CAPG: variants seen among roughly 807,000 people sequenced by gnomAD.
CAPG encodes macrophage-capping protein.
In CAPG, 32 loss-of-function variants were observed where a neutral mutation model predicts 44.6. The ratio of observed to expected loss-of-function variants is 0.72; its 90% CI spans 0.54 to 0.96. The LOEUF is 0.96. Among genes scored for constraint, CAPG ranks in the 50% least tolerant of loss-of-function variants. The probability of loss-of-function intolerance (pLI) is 0.00; values close to 1 mark genes in which losing one functional copy is unlikely to be tolerated. For synonymous variants in CAPG, 175 were observed against 179.6 expected (o/e 0.97, Z 0.20); for missense variants, 412 against 438.3 (o/e 0.94, Z 0.54).
At chr2:85,394,675 G>A, downstream of CAPG, 1 of 610,592 alleles carries the variant, frequency 1.6e-6, no homozygotes, top group Non-Finnish European at 3.0e-6. Flanking sequence ...TGTCATCTGT[G>A]TGCTACTCCA....
At chr2:85,401,733 C>G in intron 3 of CAPG, 50 bp from the exon 4 acceptor site, 1 of 1,613,104 alleles carries the variant, frequency 6.2e-7, no homozygotes, top group Non-Finnish European at 8.5e-7. Context: ...TCCATACCAG[C>G]CCCCTCCCTC....
downstream of CAPG, among the ~76,000 whole-genome samples, chr2:85,392,128 C>T (rs543347762): frequency 5.3e-5 from 8 of 152,332 alleles, no homozygotes; most frequent in African/African-American, 9.6e-5. Context: ...CAGTGGCTCA[C>T]GCCTGTAATC....
At position 85,399,200 on chromosome 2, in the gene CAPG, T is replaced by C; in HGVS notation, c.602A>G (p.Glu201Gly). The C allele has an allele frequency of 6.2e-7, 1 of 1,614,226 alleles. No homozygotes were observed. The highest frequency in any genetic ancestry group is 2.2e-5 in the East Asian group (1 of 44,888). ...CTCCACCTGGGCCTTGCCCTGTCGC[T>C]CACTGTCCCGGATGGCCAGGGCCAG... ...RDLALAIRDS[E>G]RQGKAQVEIV... Residue 201 changes from glutamate (E) to glycine (G), a missense_variant, in exon 6 of 10, where the codon GAG (glutamate) becomes GGG (glycine). By Grantham distance (98) the Glu-to-Gly change is moderately conservative. Transcript: ENST00000263867.
At chr2:85,400,914 C>T (rs1686852982) in intron 5 of CAPG, among the ~76,000 whole-genome samples, 1 of 152,182 alleles carries the variant, frequency 6.6e-6, no homozygotes, top group Non-Finnish European at 1.5e-5. Context: ...AATGGTCTGG[C>T]AGGCAGTGAA....
rs1329199186 is a variant in CAPG, at chr2:85,406,379, G to A, written c.-14+3938C>T. On this transcript the variant is annotated intron_variant, in intron 1 of 9. Transcript: ENST00000263867. ...TTTAACTAGGCTTCTGAACCACCCC[G>A]TAGGCCCATCTGTGTGCTTGTAAAA... Among the ~76,000 whole-genome samples, 4 of 152,086 alleles carry A rather than the reference G, an allele frequency of 2.6e-5. 1 individual carries two copies. In the South Asian group the frequency reaches 6.2e-4, roughly 24 times the overall value.
At chr2:85,400,114 A>G (rs1686811137) in intron 5 of CAPG, among the ~76,000 whole-genome samples, 1 of 152,206 alleles carries the variant, frequency 6.6e-6, no homozygotes, top group Non-Finnish European at 1.5e-5. Flanking sequence ...CACCTACTAG[A>G]AAGTGAGCTT....
At chr2:85,397,606 G>A (rs1686658627) in intron 8 of CAPG, among the ~76,000 whole-genome samples, 1 of 152,180 alleles carries the variant, frequency 6.6e-6, no homozygotes, top group African/African-American at 2.4e-5. Context: ...GGGAGGCTAA[G>A]GCAGGAGAAT....
upstream of CAPG, among the ~76,000 whole-genome samples, chr2:85,414,436 T>A (rs1001061969): frequency 6.6e-6 from 1 of 151,670 alleles, no homozygotes; most frequent in Non-Finnish European, 1.5e-5. Flanking sequence ...TAAGATTTTT[T>A]TTTTTTTTTT....
intron 8 of CAPG, among the ~76,000 whole-genome samples, chr2:85,396,545 C>T (rs1346818534): frequency 2.0e-5 from 3 of 152,176 alleles, no homozygotes; most frequent in Non-Finnish European, 4.4e-5. Context: ...AACTGACCAG[C>T]TGCCCCCCTA....
intron 5 of CAPG, 124 bp from the exon 6 acceptor site, chr2:85,399,409 A>AGGGCTG: frequency 9.9e-7 from 1 of 1,008,106 alleles, no homozygotes; most frequent in South Asian, 1.5e-5. Context: ...GACAACCAGG[A>AGGGCTG]AGGCAGAGCA....
In CAPG at chr2:85,416,488, C is replaced by T. The variant is rs184078265; in HGVS notation, c.-14+1779G>A. The stretch of plus-strand genomic sequence containing the variant: ...GATCTTTTGCAATGCTCAATTCTAA[C>T]ATCAAAATTCCCCCAAATATTCCTT... On this transcript the variant is annotated intron_variant, in intron 1 of 5. Coordinates refer to the CAPG transcript ENST00000409275. 2.2e-3 allele frequency among the ~76,000 whole-genome samples: 340 copies of T among 152,172 alleles called. 2 individuals carry two copies. The highest frequency in any genetic ancestry group is 7.8e-3 in the African/African-American group (325 of 41,540).
chr2:85,398,668 A>G, intron 7 of CAPG, 22 bp downstream of exon 7: 1 of 1,576,204 alleles, frequency 6.3e-7, no homozygotes, highest in Non-Finnish European at 8.6e-7. Flanking sequence ...GCCGGGTCCC[A>G]GGGCAGGCTT....
At chr2:85,411,891 GTC>G (rs1231682262), upstream of CAPG, among the ~76,000 whole-genome samples, 9 of 151,134 alleles carry the variant, frequency 6.0e-5, no homozygotes, top group African/African-American at 2.2e-4. Flanking sequence ...GTGAAACCCT[GTC>G]TCTACTAAAA....
intron 1 of CAPG, among the ~76,000 whole-genome samples, chr2:85,404,176 T>C (rs578093260): frequency 1.3e-5 from 2 of 151,674 alleles, no homozygotes; most frequent in East Asian, 1.9e-4. Flanking sequence ...ATACATTGCA[T>C]ATGTACAATG....
intron 1 of CAPG, chr2:85,418,169 T>TA (rs1166206517): frequency 6.6e-6 from 1 of 152,230 alleles, no homozygotes; most frequent in Non-Finnish European, 1.5e-5. Flanking sequence ...TGACCCAGCC[T>TA]TGCCTGCCAG....
Position 85,401,701 on chromosome 2 carries a change from G to A in CAPG, c.197-18C>T. ...CTGCTGGCCTGGGACAAGTGGGAGA[G>A]GGCAGGGCAAGGCCCTTGTGATCCA... On this transcript the variant is annotated intron_variant, in intron 3 of 9. Coordinates refer to ENST00000263867, the MANE Select transcript of CAPG (RefSeq NM_001747.4). 1 of 1,614,082 alleles carries A rather than the reference G, an allele frequency of 6.2e-7. No individual in the cohort carries two copies. The highest frequency in any genetic ancestry group is 8.5e-7 in the Non-Finnish European group (1 of 1,179,970).
upstream of CAPG, among the ~76,000 whole-genome samples, chr2:85,412,283 CG>C (rs1268713654): frequency 2.6e-5 from 4 of 151,648 alleles, no homozygotes; most frequent in African/African-American, 9.7e-5. Context: ...GAGGCCAAGG[CG>C]GGTGGATCAT....
At chr2:85,409,381 A>G (rs1208436208) in intron 1 of CAPG, among the ~76,000 whole-genome samples, 2 of 152,172 alleles carry the variant, frequency 1.3e-5, no homozygotes, top group Admixed American at 1.3e-4. Flanking sequence ...TTGAGGACAC[A>G]CTGGGGGACC....
intron 4 of CAPG, 90 bp from the exon 5 acceptor site, chr2:85,401,419 G>A (rs1231256073): frequency 1.3e-6 from 2 of 1,576,390 alleles, no homozygotes; most frequent in Non-Finnish European, 1.7e-6. Flanking sequence ...AGAAAGGTGG[G>A]GACCCGGCTC....
Sources: allele counts gnomAD v4.1 joint callset (sites outside exome capture counted in the v4.1 genomes callset), GRCh38; gene constraint gnomAD v4.1.1; transcripts MANE v1.5; gene names NCBI Gene and HGNC (gene_info 2026-07-23, HGNC 2026-07-21).